Variants in IL1RAPL1 observed in about 807,000 individuals in gnomAD.
IL1RAPL1 encodes the protein interleukin 1 receptor accessory protein like 1.
In IL1RAPL1, 3 loss-of-function variants were observed where a neutral mutation model predicts 48.4. The observed-to-expected ratio is 0.06, with a 90% CI of 0.03 to 0.16. The LOEUF (loss-of-function observed/expected upper bound fraction) is 0.16, where lower values mean the gene tolerates loss of function less well. IL1RAPL1 is among the 10% of genes least tolerant of loss of function. The probability of loss-of-function intolerance (pLI) is 1.00; values close to 1 mark genes in which losing one functional copy is unlikely to be tolerated. For synonymous variants in IL1RAPL1, 185 were observed against 187.7 expected (o/e 0.99, Z 0.12); for missense variants, 349 against 530.6 (o/e 0.66, Z 3.36).
In IL1RAPL1 at chrX:29,101,472, G is replaced by A. The variant is rs1028181499; in HGVS notation, c.83-181466G>A. Among the ~76,000 whole-genome samples the A allele has an allele frequency of 9.9e-5, 11 of 111,258 alleles. No homozygotes were observed. The South Asian group carries it at 4.2e-3, about 43-fold the overall frequency. On this transcript the variant is annotated intron_variant, in intron 2 of 10. Coordinates refer to ENST00000378993, the MANE Select transcript of IL1RAPL1 (RefSeq NM_014271.4). ...TAGTCAAACTCTTCCCCAAAATAGA[G>A]GATGAGGAAATACTTCCAAACTCAC...
chrX:29,304,271 TG>T (rs1932583778), intron 3 of IL1RAPL1, among the ~76,000 whole-genome samples: 1 of 111,448 alleles, frequency 9.0e-6, no homozygotes, highest in Non-Finnish European at 1.9e-5. Context: ...CTTTTTTTTC[TG>T]ATTCTAAATA....
intron 6 of IL1RAPL1, among the ~76,000 whole-genome samples, chrX:29,845,812 A>G (rs1047843475): frequency 9.0e-6 from 1 of 111,349 alleles, no homozygotes. Flanking sequence ...GGGAGGCCTC[A>G]GGAAACTTAC....
At position 29,131,921 on chromosome X, in the gene IL1RAPL1, A is replaced by T. The variant is rs4893606; in HGVS notation, c.83-151017A>T. On this transcript the variant is annotated intron_variant, in intron 2 of 10. Transcript: ENST00000378993. Reference sequence around the variant, plus strand: ...TGCTTTATGGCTTTACTTGAAGGCGACGTTATAAGAAACAGCCCTCCCAGT... The same window carrying T: ...TGCTTTATGGCTTTACTTGAAGGCGTCGTTATAAGAAACAGCCCTCCCAGT... Among the ~76,000 whole-genome samples, 991 of 111,733 alleles carry T rather than the reference A, an allele frequency of 8.9e-3. 5 individuals are homozygous for T. Among genetic ancestry groups the T allele is most frequent in the Non-Finnish European group, 0.014 (739 of 53,178 alleles).
chrX:29,312,302 T>C (rs935995901), intron 3 of IL1RAPL1, among the ~76,000 whole-genome samples: 2 of 110,713 alleles, frequency 1.8e-5, no homozygotes, highest in Non-Finnish European at 3.8e-5. Flanking sequence ...AGAAAAAAAT[T>C]AGCTGGGCGT....
At chrX:29,551,311 G>A (rs375244359) in intron 5 of IL1RAPL1, among the ~76,000 whole-genome samples, 34 of 111,909 alleles carry the variant, frequency 3.0e-4, no homozygotes, top group South Asian at 3.7e-4. Flanking sequence ...ATTTTGTTAC[G>A]TGCTGATGAA....
At chrX:29,332,691 G>C (rs1436049339) in intron 3 of IL1RAPL1, among the ~76,000 whole-genome samples, 1 of 102,505 alleles carries the variant, frequency 9.8e-6, no homozygotes, top group Non-Finnish European at 2.0e-5. Flanking sequence ...GGTGTTTCTC[G>C]CAGAGGGGGA....
At position 29,226,167 on chromosome X, in the gene IL1RAPL1, TTGTC is replaced by T. The variant is rs755428044; in HGVS notation, c.83-56765_83-56762del. Among the ~76,000 whole-genome samples, 12 of 111,928 alleles carry T rather than the reference TTGTC, an allele frequency of 1.1e-4. No individual in the cohort carries two copies. In the East Asian group the frequency reaches 3.4e-3, roughly 32 times the overall value. ...TGTGTATTTGAAATGGTCAATACCA[TTGTC>T]TGTCTAGATGGATAATAAAAGTTGT... On this transcript the variant is annotated intron_variant, in intron 2 of 10. Coordinates refer to ENST00000378993, the MANE Select transcript of IL1RAPL1 (RefSeq NM_014271.4).
intron 2 of IL1RAPL1, among the ~76,000 whole-genome samples, chrX:28,934,826 T>C (rs952466002): frequency 8.9e-6 from 1 of 112,225 alleles, no homozygotes; most frequent in South Asian, 3.7e-4. Context: ...TTGCCTGTTA[T>C]AATGCTACTA....
chrX:29,212,864 G>A (rs966648894), intron 2 of IL1RAPL1, among the ~76,000 whole-genome samples: 15 of 112,224 alleles, frequency 1.3e-4, no homozygotes, highest in African/African-American at 4.5e-4. Flanking sequence ...AGTAGGCTGA[G>A]GAGAAGGAAC....
chrX:29,202,489 C>G (rs992628578), intron 2 of IL1RAPL1, among the ~76,000 whole-genome samples: 5 of 111,853 alleles, frequency 4.5e-5, no homozygotes, highest in African/African-American at 1.3e-4. Context: ...TATCATTTAC[C>G]TAGCAGTCCC....
At chrX:29,715,661 T>G (rs778031190) in intron 6 of IL1RAPL1, among the ~76,000 whole-genome samples, 1 of 111,715 alleles carries the variant, frequency 9.0e-6, no homozygotes, top group African/African-American at 3.2e-5. Flanking sequence ...CCTATCCTGC[T>G]TCTTCCACTC....
intron 5 of IL1RAPL1, among the ~76,000 whole-genome samples, chrX:29,456,988 G>A (rs1353222124): frequency 1.8e-5 from 2 of 108,836 alleles, no homozygotes; most frequent in Non-Finnish European, 3.8e-5. Flanking sequence ...AAAAAATTTA[G>A]CCATGCATGG....
In IL1RAPL1 at chrX:28,923,354, T is replaced by C. The variant is rs189165471; in HGVS notation, c.82+133929T>C. Among the ~76,000 whole-genome samples, 184 of 110,727 alleles carry C rather than the reference T, an allele frequency of 1.7e-3. 1 individual carries two copies. Among genetic ancestry groups the C allele is most frequent in the Non-Finnish European group, 3.1e-3 (164 of 52,967 alleles). ...ACCACACCCAGCTACTTTGTAGTTTTAGTGGAGACGGGGTTTCTCCATGTT... is the reference window on the plus strand; with the variant it reads ...ACCACACCCAGCTACTTTGTAGTTTCAGTGGAGACGGGGTTTCTCCATGTT... On this transcript the variant is annotated intron_variant, in intron 2 of 10. Transcript: ENST00000378993.
intron 6 of IL1RAPL1, among the ~76,000 whole-genome samples, chrX:29,907,011 T>C (rs946810747): frequency 9.0e-6 from 1 of 111,506 alleles, no homozygotes; most frequent in African/African-American, 3.3e-5. Context: ...AAAACTGATA[T>C]GAAAGTTAGT....
intron 1 of IL1RAPL1, among the ~76,000 whole-genome samples, chrX:28,645,581 T>C (rs2146901051): frequency 9.1e-6 from 1 of 110,003 alleles, no homozygotes; most frequent in African/African-American, 3.3e-5. Context: ...TAAAGTGACA[T>C]AATAATGAAA....
intron 1 of IL1RAPL1, among the ~76,000 whole-genome samples, chrX:28,730,954 G>A (rs1469145027): frequency 1.8e-5 from 2 of 111,509 alleles, no homozygotes; most frequent in Non-Finnish European, 3.8e-5. Flanking sequence ...GGGCCACTGA[G>A]ATCACTTTAA....
chrX:29,628,584 CATGT>C (rs1924680869), intron 5 of IL1RAPL1, among the ~76,000 whole-genome samples: 1 of 111,485 alleles, frequency 9.0e-6, no homozygotes, highest in African/African-American at 3.3e-5. Flanking sequence ...TGTGAGAATC[CATGT>C]ATGTATTTAT....
At chrX:29,007,668 A>G (rs1316286521) in intron 2 of IL1RAPL1, among the ~76,000 whole-genome samples, 1 of 112,186 alleles carries the variant, frequency 8.9e-6, no homozygotes, top group African/African-American at 3.2e-5. Context: ...GGCTATCATG[A>G]GATTTTAAAA....
chrX:29,803,395 A>ATGTATATATGTGTATATGTGTATATG (rs1480435877), intron 6 of IL1RAPL1, among the ~76,000 whole-genome samples: 1 of 90,553 alleles, frequency 1.1e-5, no homozygotes, highest in Non-Finnish European at 2.1e-5. Flanking sequence ...GTATACACAT[A>ATGTATATATGTGTATATGTGTATATG]TGTATATATG....
Sources: gnomAD v4.1 joint callset for allele counts (sites outside exome capture counted in the v4.1 genomes callset) on GRCh38, gnomAD v4.1.1 for gene constraint, MANE v1.5 for transcripts, NCBI Gene and HGNC (gene_info 2026-07-23, HGNC 2026-07-21) for gene names.